Variants in EZR observed in about 807,000 individuals in gnomAD.
EZR encodes cytovillin 2.
A neutral mutation model predicts 74.8 loss-of-function variants in EZR; 40 were observed. That is an observed-to-expected ratio of 0.53 (90% CI 0.42 to 0.70). EZR has a LOEUF of 0.70. Ranked by LOEUF, EZR falls within the 30% of genes least tolerant of loss-of-function variation. The pLI is 0.00. For missense variants in EZR, 678 were observed against 755.8 expected, an observed-to-expected ratio of 0.90 and a Z score of 1.21; for synonymous variants, 341 against 283.3, an observed-to-expected ratio of 1.20 and a Z score of -2.05.
intron 2 of EZR, among the ~76,000 whole-genome samples, chr6:158,796,391 T>C (rs1046658915): frequency 1.3e-5 from 2 of 152,256 alleles, no homozygotes; most frequent in Non-Finnish European, 2.9e-5. Flanking sequence ...GCTCATTCCC[T>C]GGAGCACCTG....
intron 2 of EZR, among the ~76,000 whole-genome samples, chr6:158,813,592 C>T (rs996545799): frequency 3.3e-5 from 5 of 152,154 alleles, no homozygotes; most frequent in South Asian, 4.1e-4. Context: ...TCCTCAATTG[C>T]GAGGGGATTG....
intron 2 of EZR, among the ~76,000 whole-genome samples, chr6:158,812,482 T>C (rs1425033514): frequency 6.6e-6 from 1 of 152,196 alleles, no homozygotes; most frequent in Non-Finnish European, 1.5e-5. Context: ...TCCAGACAAT[T>C]GTGTACACAA....
chr6:158,788,046 T>G (rs1227956068), intron 3 of EZR, among the ~76,000 whole-genome samples: 1 of 152,214 alleles, frequency 6.6e-6, no homozygotes, highest in East Asian at 1.9e-4. Context: ...TATACATAGA[T>G]GTCTAATTTA....
intron 2 of EZR, among the ~76,000 whole-genome samples, chr6:158,799,458 T>G (rs1008266518): frequency 6.6e-6 from 1 of 152,252 alleles, no homozygotes; most frequent in African/African-American, 2.4e-5. Context: ...ATCCTTTATA[T>G]AAAAACATCC....
chr6:158,811,454 AAATTGT>A (rs1777449729), intron 2 of EZR, among the ~76,000 whole-genome samples: 1 of 152,184 alleles, frequency 6.6e-6, no homozygotes, highest in African/African-American at 2.4e-5. Flanking sequence ...AAGAATCTCC[AAATTGT>A]CAAAGAGATA....
intron 8 of EZR, among the ~76,000 whole-genome samples, chr6:158,773,476 C>G (rs1002984367): frequency 2.6e-5 from 4 of 152,248 alleles, no homozygotes; most frequent in African/African-American, 9.6e-5. Context: ...TGCAGAACCA[C>G]AACACGACAA....
chr6:158,776,651 A>C lies in EZR; in HGVS notation c.699-147T>G, dbSNP rs11968724. ...GCACAATGTGTTATATGCTATTATC[A>C]AATAGTTCCCACCTGTCCTAGGTTA... On this transcript the variant is annotated intron_variant, in intron 7 of 13. Transcript: ENST00000367075. 6.0e-5 allele frequency: 38 copies of C among 629,284 alleles called. No homozygotes were observed. The African/African-American group carries it at 7.1e-4, about 12-fold the overall frequency. The allele number at this position is 629,284 out of a possible 1,614,324, so 39.0% of individuals were successfully genotyped here. A position where few individuals can be genotyped will look rare whatever the true frequency, so the allele number is the denominator to read the frequency against.
intron 3 of EZR, among the ~76,000 whole-genome samples, chr6:158,788,892 GGTT>G (rs1458047817): frequency 6.6e-6 from 1 of 152,184 alleles, no homozygotes; most frequent in Non-Finnish European, 1.5e-5. Context: ...CAGTGAGAGG[GGTT>G]CTACTCTGGA....
At chr6:158,818,420 GC>G (rs899494658) in intron 1 of EZR, among the ~76,000 whole-genome samples, 1 of 151,240 alleles carries the variant, frequency 6.6e-6, no homozygotes, top group African/African-American at 2.4e-5. Context: ...CACTGGAGGT[GC>G]CCCCCAGTTG....
intron 7 of EZR, 91 bp from the exon 8 acceptor site, chr6:158,776,595 C>T: frequency 1.1e-6 from 1 of 872,736 alleles, no homozygotes; most frequent in Non-Finnish European, 1.8e-6. Flanking sequence ...CTTATTAGTT[C>T]AATTAAAATA....
At chr6:158,780,329 C>T (rs549463476) in intron 7 of EZR, among the ~76,000 whole-genome samples, 15 of 152,248 alleles carry the variant, frequency 9.9e-5, no homozygotes, top group African/African-American at 3.1e-4. Flanking sequence ...GATTACATTT[C>T]ATTGTATTTA....
At chr6:158,803,530 TATA>T (rs1777236462) in intron 2 of EZR, among the ~76,000 whole-genome samples, 1 of 68,194 alleles carries the variant, frequency 1.5e-5, no homozygotes, top group Non-Finnish European at 2.4e-5. Flanking sequence ...TGTAACATTA[TATA>T]TATATATATA....
At chr6:158,782,113 C>T (rs1075616) in intron 7 of EZR, among the ~76,000 whole-genome samples, 19,496 of 152,066 alleles carry the variant, frequency 0.13, 1,346 homozygotes, top group African/African-American at 0.14. Context: ...AGGAGCGAAC[C>T]GAGAGTCCTC....
intron 7 of EZR, 43 bp downstream of exon 7, chr6:158,783,477 C>CCA: frequency 6.4e-7 from 1 of 1,564,852 alleles, no homozygotes; most frequent in Non-Finnish European, 8.7e-7. Flanking sequence ...GTTTCCAGGC[C>CCA]CACCACCCTA....
In EZR at chr6:158,771,383, G is replaced by C; in HGVS notation, c.820C>G (p.Leu274Val). 1 of 1,611,678 alleles carries C rather than the reference G, an allele frequency of 6.2e-7. No individual in the cohort carries two copies. The highest frequency in any genetic ancestry group is 1.7e-4 in the Middle Eastern group (1 of 6,048). The stretch of plus-strand genomic sequence containing the variant: ...TGCAGGATCCGCTTGTTGATTCTCA[G>C]ACGTGGGGCATAAAACACAAAGTCC... ...APDFVFYAPR[L>V]RINKRILQLC... Residue 274 changes from leucine (L) to valine (V), a missense_variant, in exon 9 of 14, where the codon CTG becomes GTG. By Grantham distance (32) the Leu-to-Val change is conservative (BLOSUM62 1). Coordinates refer to ENST00000367075, the MANE Select transcript of EZR (RefSeq NM_001111077.2).
intron 2 of EZR, among the ~76,000 whole-genome samples, chr6:158,801,390 AAAC>A (rs951105977): frequency 1.3e-5 from 2 of 152,158 alleles, no homozygotes; most frequent in African/African-American, 4.8e-5. Context: ...CTCCAAAAAC[AAAC>A]AAAAAAAATC....
At chr6:158,803,276 T>A (rs1377980891) in intron 2 of EZR, among the ~76,000 whole-genome samples, 1 of 151,606 alleles carries the variant, frequency 6.6e-6, no homozygotes, top group Non-Finnish European at 1.5e-5. Context: ...AGAATAGTGA[T>A]GAAGTATAAC....
rs1791103856 is a variant in EZR, at chr6:158,771,375, G to A, written c.828C>T (p.Ile276=). The part of the protein sequence containing the change: ...DFVFYAPRLR[I]NKRILQLCMG... ...TGCAGAGCTGCAGGATCCGCTTGTT[G>A]ATTCTCAGACGTGGGGCATAAAACA... Residue 276 remains isoleucine, a synonymous_variant, in exon 9 of 14, where the codon ATC becomes ATT. Coordinates refer to ENST00000367075, the MANE Select transcript of EZR (RefSeq NM_001111077.2). 1 of 1,613,012 alleles carries A rather than the reference G, an allele frequency of 6.2e-7. No homozygotes were observed. The highest frequency in any genetic ancestry group is 1.3e-5 in the African/African-American group (1 of 75,020).
Position 158,767,378 on chromosome 6 carries a change from G to A in EZR, c.1479C>T (p.Gly493=), listed in dbSNP as rs201524101. The A allele has an allele frequency of 6.8e-5, 110 of 1,613,178 alleles. No homozygotes were observed. The highest frequency in any genetic ancestry group is 7.1e-5 in the Non-Finnish European group (84 of 1,179,888). ...CCGCGCTGTAGCCCGTGGGCTCTGC[G>A]CCCTCATCCTGCAAGCTCTCCTGGA... ...YHVQESLQDE[G]AEPTGYSAEL... The change falls in exon 13 of 14, where the codon GGC becomes GGT. Residue 493 remains glycine (G), a synonymous_variant. Coordinates refer to ENST00000367075, the MANE Select transcript of EZR (RefSeq NM_001111077.2).
Sources: gnomAD v4.1 joint callset for allele counts (sites outside exome capture counted in the v4.1 genomes callset) on GRCh38, gnomAD v4.1.1 for gene constraint, MANE v1.5 for transcripts, NCBI Gene and HGNC (gene_info 2026-07-23, HGNC 2026-07-21) for gene names.